Variants in HOMER1 observed in about 807,000 individuals in gnomAD.
The protein encoded by HOMER1 is homer protein homolog 1.
HOMER1 carries 3 observed loss-of-function variants against 48.9 expected under a neutral mutation model. The ratio of observed to expected loss-of-function variants is 0.06; its 90% CI spans 0.03 to 0.16. HOMER1 has a LOEUF of 0.16. Among genes scored for constraint, HOMER1 ranks in the 10% least tolerant of loss-of-function variants. The pLI, the probability that HOMER1 is intolerant of heterozygous loss-of-function variation, is 1.00. For synonymous variants in HOMER1, 134 were observed against 146.4 expected (o/e 0.92, Z 0.61); for missense variants, 247 against 411.4 (o/e 0.60, Z 3.46).
chr5:79,437,143 A>T lies in HOMER1; in HGVS notation c.527+1867T>A, dbSNP rs535974778. The stretch of plus-strand genomic sequence containing the variant: ...ACTCCAAATACTAAGGATTAACAAA[A>T]TCGTAGACATTTAGAAAATTTTAGG... On this transcript the variant is annotated intron_variant, in intron 5 of 8. Transcript: ENST00000334082. Among the ~76,000 whole-genome samples, 132 of 152,318 alleles carry T rather than the reference A, an allele frequency of 8.7e-4. 1 individual carries two copies. The highest frequency in any genetic ancestry group is 1.3e-3 in the Non-Finnish European group (90 of 68,008).
chr5:79,392,954 G>GGAGAGAGAGAGAGA lies in HOMER1; in HGVS notation c.876+3855_876+3868dup, dbSNP rs3082001. On this transcript the variant is annotated intron_variant, in intron 8 of 8. Transcript: ENST00000334082. ...GGGAGGGAGGGAAAAGAAGGGAAAGGGAGAGAGAGAGAGAGAGAGAGAGAG... is the reference window on the plus strand; with the variant it reads ...GGGAGGGAGGGAAAAGAAGGGAAAGGGAGAGAGAGAGAGAGAGAGAGAGAGAGAGAGAGAGAGAG... Among the ~76,000 whole-genome samples the GGAGAGAGAGAGAGA allele has an allele frequency of 5.1e-3, 722 of 140,914 alleles. 1 individual carries two copies. The highest frequency in any genetic ancestry group is 0.014 in the Middle Eastern group (4 of 284). 92.4% of individuals were successfully genotyped at this position (140,914 alleles called of 152,430 possible). A position where few individuals can be genotyped will look rare whatever the true frequency, so the allele number is the denominator to read the frequency against.
At chr5:79,416,662 T>G (rs1749951902) in intron 5 of HOMER1, among the ~76,000 whole-genome samples, 1 of 152,202 alleles carries the variant, frequency 6.6e-6, no homozygotes, top group Non-Finnish European at 1.5e-5. Flanking sequence ...CACAGTGCCT[T>G]CTGTAGTCTT....
At chr5:79,479,664 A>G (rs960976608) in intron 1 of HOMER1, among the ~76,000 whole-genome samples, 3 of 152,014 alleles carry the variant, frequency 2.0e-5, no homozygotes, top group Admixed American at 6.5e-5. Flanking sequence ...CTCTAGAACC[A>G]TATGAGAATG....
chr5:79,405,869 G>A (rs982537602), intron 5 of HOMER1, among the ~76,000 whole-genome samples: 8 of 152,296 alleles, frequency 5.3e-5, no homozygotes, highest in Middle Eastern at 3.4e-3. Flanking sequence ...CATCAGGGAT[G>A]GAATTTCACA....
At chr5:79,463,088 A>G (rs1408668356) in intron 1 of HOMER1, among the ~76,000 whole-genome samples, 2 of 152,214 alleles carry the variant, frequency 1.3e-5, no homozygotes, top group African/African-American at 4.8e-5. Context: ...AAGGCTGGTA[A>G]TATTTTCCAC....
In HOMER1 at chr5:79,429,762, G is replaced by A. The variant is rs552639126; in HGVS notation, c.527+9248C>T. The stretch of plus-strand genomic sequence containing the variant: ...ACATTGGCTGGGCGTGGTGGCTCAC[G>A]CCTGTAATCCCAGCACTTTGGGAGG... On this transcript the variant is annotated intron_variant, in intron 5 of 8. Coordinates refer to ENST00000334082, the MANE Select transcript of HOMER1 (RefSeq NM_004272.5). Among the ~76,000 whole-genome samples, 6 of 152,280 alleles carry A rather than the reference G, an allele frequency of 3.9e-5. No homozygotes were observed. In the South Asian group the frequency reaches 1.0e-3, roughly 26 times the overall value.
chr5:79,439,131 G>A lies in HOMER1; in HGVS notation c.406C>T (p.Leu136Phe). ...CTTTCCGGTGTTAAAGGAGACTGAA[G>A]ATCCCCGCCTGCGGATTCCTTTAAA... ...TPSQESAGGD[L>F]QSPLTPESIN... The change falls in exon 5 of 9, where the codon CTT (leucine) becomes TTT (phenylalanine). Residue 136 changes from leucine (L) to phenylalanine (F), a missense_variant. Around this residue, in one of 4 missense-constraint regions of HOMER1, gnomAD observed 94 missense variants for 112.4 expected, o/e 0.84. Transcript: ENST00000334082. 2 of 1,613,932 alleles carry A rather than the reference G, an allele frequency of 1.2e-6. No homozygotes were observed. Among genetic ancestry groups the A allele is most frequent in the Non-Finnish European group, 1.7e-6 (2 of 1,179,956 alleles).
At chr5:79,468,635 T>C (rs540011579) in intron 1 of HOMER1, among the ~76,000 whole-genome samples, 1 of 152,364 alleles carries the variant, frequency 6.6e-6, no homozygotes, top group Admixed American at 6.5e-5. Flanking sequence ...GACATATAAG[T>C]AGTTCTCATT....
rs150876586 is a variant in HOMER1, at chr5:79,492,691, C to A, written c.5+20079G>T. Among the ~76,000 whole-genome samples, 83 of 151,994 alleles carry A rather than the reference C, an allele frequency of 5.5e-4. 4 individuals are homozygous for A. Among genetic ancestry groups the A allele is most frequent in the African/African-American group, 1.9e-3 (79 of 41,450 alleles). ...TTTCAGGATGTTTTCCACAGAAAAG[C>A]CATCAAATGTTTAAAAAATTGGTGA... is the stretch of plus-strand genomic sequence containing the variant. On this transcript the variant is annotated intron_variant, in intron 1 of 8. Coordinates refer to ENST00000334082, the MANE Select transcript of HOMER1 (RefSeq NM_004272.5).
intron 5 of HOMER1, among the ~76,000 whole-genome samples, chr5:79,434,616 C>CA (rs1251067970): frequency 6.6e-6 from 1 of 151,958 alleles, no homozygotes; most frequent in African/African-American, 2.4e-5. Flanking sequence ...CATTTCCCCC[C>CA]AAAAAATCAG....
rs1750664349 is a variant in HOMER1 at position 79,438,823 on chromosome 5, C to T, written c.527+187G>A. On this transcript the variant is annotated intron_variant, in intron 5 of 8. Coordinates refer to ENST00000334082, the MANE Select transcript of HOMER1 (RefSeq NM_004272.5). ...TGCAGTCCATCTATGCAACTATAAA[C>T]TATAAATTAATAAAAAGTTTGTGTA... is the stretch of plus-strand genomic sequence containing the variant. Among the ~76,000 whole-genome samples, 3 of 145,128 alleles carry T rather than the reference C, an allele frequency of 2.1e-5. No individual in the cohort carries two copies. The South Asian group carries it at 6.5e-4, about 31-fold the overall frequency.
intron 1 of HOMER1, among the ~76,000 whole-genome samples, chr5:79,512,507 G>A (rs906927224): frequency 1.3e-5 from 2 of 152,210 alleles, no homozygotes; most frequent in Non-Finnish European, 2.9e-5. Context: ...GTAAAGTGTA[G>A]AATGCGTTGT....
intron 8 of HOMER1, among the ~76,000 whole-genome samples, chr5:79,381,904 A>G (rs1283731961): frequency 6.6e-6 from 1 of 152,100 alleles, no homozygotes; most frequent in African/African-American, 2.4e-5. Context: ...AAAAGTACAA[A>G]GAAATCTGAA....
intron 1 of HOMER1, among the ~76,000 whole-genome samples, chr5:79,481,405 T>C (rs1296836118): frequency 1.3e-5 from 2 of 152,192 alleles, no homozygotes; most frequent in Non-Finnish European, 2.9e-5. Flanking sequence ...CTACACATAT[T>C]CTTGCTTACT....
intron 1 of HOMER1, among the ~76,000 whole-genome samples, chr5:79,493,495 G>A (rs964116087): frequency 4.6e-5 from 7 of 152,118 alleles, no homozygotes; most frequent in Admixed American, 2.6e-4. Context: ...TTAGAACACC[G>A]CCTGACACAT....
intron 1 of HOMER1, among the ~76,000 whole-genome samples, chr5:79,459,904 G>C (rs910284292): frequency 6.6e-6 from 1 of 152,256 alleles, no homozygotes; most frequent in East Asian, 1.9e-4. Context: ...TGCCTTTGAA[G>C]AATGAGGCTA....
chr5:79,406,785 G>A (rs1005334702), intron 5 of HOMER1, among the ~76,000 whole-genome samples: 1 of 152,152 alleles, frequency 6.6e-6, no homozygotes, highest in Non-Finnish European at 1.5e-5. Context: ...TCTAACCTGT[G>A]GGACAGAGGC....
At chr5:79,510,408 C>A (rs746033847) in intron 1 of HOMER1, 15 of 630,306 alleles carry the variant, frequency 2.4e-5, no homozygotes, top group Admixed American at 3.9e-5. Flanking sequence ...CTAGGCGCTT[C>A]AGGAGCCGCG....
chr5:79,449,826 G>C (rs1001230926), intron 3 of HOMER1, among the ~76,000 whole-genome samples: 2 of 152,048 alleles, frequency 1.3e-5, no homozygotes, highest in African/African-American at 4.8e-5. Context: ...TCACCAAGGC[G>C]AAAGTTAAAA....
Sources: gnomAD v4.1 joint callset for allele counts (sites outside exome capture counted in the v4.1 genomes callset) on GRCh38, gnomAD v4.1.1 for gene constraint, gnomAD v4.1.1 regional missense constraint, MANE v1.5 for transcripts, NCBI Gene and HGNC (gene_info 2026-07-23, HGNC 2026-07-21) for gene names.